Variants in NTRK3 observed in about 807,000 individuals in gnomAD.
NTRK3 encodes the protein neurotrophic receptor tyrosine kinase 3.
In NTRK3, 24 loss-of-function variants were observed where a neutral mutation model predicts 91.7. The ratio of observed to expected loss-of-function variants is 0.26; its 90% CI spans 0.19 to 0.37. NTRK3 has a LOEUF of 0.37. Ranked by LOEUF, NTRK3 falls within the 10% of genes least tolerant of loss-of-function variation. NTRK3 has a pLI of 1.00. For missense variants in NTRK3, 880 were observed against 1,068.9 expected (o/e 0.82, Z 2.46); for synonymous variants, 483 against 404.0 (o/e 1.20, Z -2.34).
At chr15:88,154,709 G>C (rs1289766001) in intron 5 of NTRK3, among the ~76,000 whole-genome samples, 2 of 152,152 alleles carry the variant, frequency 1.3e-5, no homozygotes, top group African/African-American at 2.4e-5. Flanking sequence ...GGCTCTACCA[G>C]GGTTTCCCAG....
rs2141466280 is a variant in NTRK3, at chr15:87,880,287, G to A, written c.2275C>T (p.Gln759Ter). 1 of 1,614,016 alleles carries A rather than the reference G, an allele frequency of 6.2e-7. No individual in the cohort carries two copies. Among genetic ancestry groups the A allele is most frequent in the Non-Finnish European group, 8.5e-7 (1 of 1,180,006 alleles). Residue 759 changes from glutamine (Q) to a stop codon, truncating the protein, a stop_gained, in exon 18 of 19, where the codon CAA becomes TAA. Transcript: ENST00000394480. LOFTEE classifies it high-confidence loss of function. ...CTTTTTACCTCCGTGTTTGAGAGTT[G>A]GAACCATGGCTGCTTTCCATAGGTG...
At chr15:88,218,867 T>C (rs1451913517) in intron 3 of NTRK3, among the ~76,000 whole-genome samples, 2 of 152,212 alleles carry the variant, frequency 1.3e-5, no homozygotes, top group African/African-American at 4.8e-5. Context: ...AGTTCTCTAT[T>C]CTCATCCAAA....
intron 14 of NTRK3, among the ~76,000 whole-genome samples, chr15:87,995,670 G>A (rs1197114640): frequency 6.6e-6 from 1 of 152,168 alleles, no homozygotes; most frequent in Non-Finnish European, 1.5e-5. Flanking sequence ...AGATGAGACA[G>A]AGAAAGGTCA....
intron 3 of NTRK3, 56 bp from the exon 4 acceptor site, chr15:88,184,355 C>A: frequency 6.4e-7 from 1 of 1,551,032 alleles, no homozygotes; most frequent in Non-Finnish European, 8.9e-7. Context: ...ATGGGGCTGG[C>A]TTTGGAGCCA....
chr15:87,964,780 C>T (rs8036843), intron 14 of NTRK3, among the ~76,000 whole-genome samples: 71,888 of 152,084 alleles, frequency 0.47, 19,716 homozygotes, highest in African/African-American at 0.77. Flanking sequence ...GCATGTTTCT[C>T]TGAGATTCAT....
intron 13 of NTRK3, among the ~76,000 whole-genome samples, chr15:88,067,487 G>C (rs1025663097): frequency 1.3e-5 from 2 of 152,132 alleles, no homozygotes; most frequent in African/African-American, 2.4e-5. Context: ...TTCCCAGGGG[G>C]ATGGGTTTTG....
At chr15:88,148,440 G>A (rs541305320) in intron 5 of NTRK3, among the ~76,000 whole-genome samples, 202 of 152,260 alleles carry the variant, frequency 1.3e-3, no homozygotes, top group African/African-American at 4.6e-3. Context: ...ACAGGAGTGC[G>A]GAGGGCTCAG....
intron 6 of NTRK3, among the ~76,000 whole-genome samples, chr15:88,141,708 A>G (rs1224671487): frequency 6.6e-6 from 1 of 152,216 alleles, no homozygotes; most frequent in Admixed American, 6.5e-5. Flanking sequence ...TGGTCCCTGC[A>G]CTGCTGCACA....
At chr15:88,113,552 G>A (rs965010612) in intron 13 of NTRK3, among the ~76,000 whole-genome samples, 29 of 152,104 alleles carry the variant, frequency 1.9e-4, no homozygotes, top group African/African-American at 6.8e-4. Context: ...TTGACCTCAG[G>A]TGATCCAGCC....
At chr15:88,127,530 G>T (rs28444674) in intron 11 of NTRK3, among the ~76,000 whole-genome samples, 8 of 152,212 alleles carry the variant, frequency 5.3e-5, no homozygotes, top group African/African-American at 1.9e-4. Flanking sequence ...GGCAACTTGG[G>T]CCATGAGCTA....
At chr15:88,202,966 A>T (rs1423019646) in intron 3 of NTRK3, among the ~76,000 whole-genome samples, 1 of 152,206 alleles carries the variant, frequency 6.6e-6, no homozygotes, top group Non-Finnish European at 1.5e-5. Context: ...TGTGTGTCCC[A>T]CTGATGTCCC....
At chr15:88,044,496 C>T (rs1022212004) in intron 13 of NTRK3, among the ~76,000 whole-genome samples, 2 of 151,902 alleles carry the variant, frequency 1.3e-5, no homozygotes, top group South Asian at 2.1e-4. Flanking sequence ...CTCCTGACCT[C>T]GTGATCTGCC....
chr15:88,126,227 T>C, intron 13 of NTRK3, 44 bp downstream of exon 13: 1 of 1,362,430 alleles, frequency 7.3e-7, no homozygotes, highest in South Asian at 1.2e-5. Context: ...AAAGCAGTAA[T>C]GTTTCCCCCC....
rs974134416 is a variant in NTRK3 at position 88,233,098 on chromosome 15, A to T, written c.248+22808T>A. ...AAGGCTGAGGGGAGAAGGGACCATT[A>T]AACTCACTGAATAAGTTAATGGGGC... is the stretch of plus-strand genomic sequence containing the variant. On this transcript the variant is annotated intron_variant, in intron 3 of 18. Coordinates refer to ENST00000394480, the Ensembl canonical transcript of NTRK3. This position sits in a 1 kb window ranked among gnomAD's most constrained non-coding sequence, Gnocchi z 4.2. Among the ~76,000 whole-genome samples the T allele has an allele frequency of 6.6e-6, 1 of 152,184 alleles. No individual in the cohort carries two copies. Among genetic ancestry groups the T allele is most frequent in the Non-Finnish European group, 1.5e-5 (1 of 68,038 alleles).
chr15:88,009,288 T>A (rs1053600325), intron 14 of NTRK3, among the ~76,000 whole-genome samples: 1 of 151,968 alleles, frequency 6.6e-6, no homozygotes, highest in South Asian at 2.1e-4. Flanking sequence ...CTTATTTTTT[T>A]AAAATGGAGA....
intron 14 of NTRK3, among the ~76,000 whole-genome samples, chr15:88,004,304 A>C (rs2076331901): frequency 6.6e-6 from 1 of 152,184 alleles, no homozygotes; most frequent in African/African-American, 2.4e-5. Flanking sequence ...AACTAAAACA[A>C]AAGTTATAAA....
intron 13 of NTRK3, among the ~76,000 whole-genome samples, chr15:88,042,449 T>C (rs1452894610): frequency 6.6e-6 from 1 of 152,160 alleles, no homozygotes; most frequent in East Asian, 1.9e-4. Context: ...AGACAGACTC[T>C]GCCCTCTGTG....
intron 17 of NTRK3, 132 bp downstream of exon 17, chr15:87,929,057 CTG>C: frequency 7.5e-7 from 1 of 1,325,196 alleles, no homozygotes; most frequent in East Asian, 2.3e-5. Flanking sequence ...CAAAAGATAA[CTG>C]TTGAGTGCAT....
intron 13 of NTRK3, among the ~76,000 whole-genome samples, chr15:88,053,697 T>C (rs1434833009): frequency 1.3e-5 from 2 of 152,190 alleles, no homozygotes; most frequent in Non-Finnish European, 2.9e-5. Context: ...ATTCTAAGGT[T>C]GTTATGAGAT....
Sources: allele counts gnomAD v4.1 joint callset (sites outside exome capture counted in the v4.1 genomes callset), GRCh38; gene constraint gnomAD v4.1.1; non-coding constraint Gnocchi (gnomAD v3.1); transcripts MANE v1.5; gene names NCBI Gene and HGNC (gene_info 2026-07-23, HGNC 2026-07-21).